MRPS28: variants seen among roughly 807,000 people sequenced by gnomAD.
MRPS28 encodes the protein small ribosomal subunit protein bS1m.
In MRPS28, 7 loss-of-function variants were observed where a neutral mutation model predicts 10.8. That is an observed-to-expected ratio of 0.65 (90% confidence interval 0.37 to 1.22). The LOEUF (loss-of-function observed/expected upper bound fraction) is 1.22, where lower values mean the gene tolerates loss of function less well. Ranked by LOEUF, MRPS28 falls within the 50% of genes most tolerant of loss-of-function variation. The pLI is 0.02. For missense variants in MRPS28, 265 were observed against 232.9 expected, an observed-to-expected ratio of 1.14 and a Z score of -0.90; for synonymous variants, 121 against 93.3, an observed-to-expected ratio of 1.30 and a Z score of -1.71.
intron 1 of MRPS28, among the ~76,000 whole-genome samples, chr8:80,014,512 A>G (rs1232761446): frequency 1.3e-5 from 2 of 152,242 alleles, no homozygotes; most frequent in Non-Finnish European, 2.9e-5. Flanking sequence ...AAGTCTGGCC[A>G]CATGGCTTGA....
intron 2 of MRPS28, among the ~76,000 whole-genome samples, chr8:79,976,177 G>A (rs757235406): frequency 1.3e-5 from 2 of 151,708 alleles, no homozygotes; most frequent in Admixed American, 6.6e-5. Context: ...TCTGCCTCCC[G>A]GGTTCAAGCA....
At chr8:79,929,226 C>A (rs1459644329) in intron 2 of MRPS28, among the ~76,000 whole-genome samples, 1 of 152,280 alleles carries the variant, frequency 6.6e-6, no homozygotes, top group East Asian at 1.9e-4. Flanking sequence ...GGTTTTAGAT[C>A]ATCACAAGCT....
intron 2 of MRPS28, among the ~76,000 whole-genome samples, chr8:79,939,002 T>C (rs1382377445): frequency 6.6e-6 from 1 of 152,206 alleles, no homozygotes; most frequent in Non-Finnish European, 1.5e-5. Context: ...GTGACAGCTT[T>C]GCTTCTAGTT....
chr8:79,991,666 A>G (rs1251373472), intron 2 of MRPS28, among the ~76,000 whole-genome samples: 1 of 152,242 alleles, frequency 6.6e-6, no homozygotes, highest in African/African-American at 2.4e-5. Context: ...TTGCTGTCAT[A>G]TATTTTGTGT....
chr8:79,943,438 C>T (rs1418567965), intron 2 of MRPS28, among the ~76,000 whole-genome samples: 6 of 152,166 alleles, frequency 3.9e-5, no homozygotes, highest in Non-Finnish European at 1.5e-5. Context: ...AGAAACAAAA[C>T]CTTACTCCTA....
intron 1 of MRPS28, among the ~76,000 whole-genome samples, chr8:80,014,480 G>C (rs1488378837): frequency 1.3e-5 from 2 of 152,088 alleles, no homozygotes; most frequent in African/African-American, 4.8e-5. Context: ...TCAAATACGA[G>C]GGCTCCCAAA....
At position 79,984,975 on chromosome 8, in the gene MRPS28, T is replaced by C. The variant is rs547954918; in HGVS notation, c.395+18024A>G. Among the ~76,000 whole-genome samples the C allele has an allele frequency of 1.5e-4, 23 of 152,248 alleles. No individual in the cohort carries two copies. In the South Asian group the frequency reaches 3.7e-3, roughly 25 times the overall value. On this transcript the variant is annotated intron_variant, in intron 2 of 2. Transcript: ENST00000276585. ...ACCCCAAATCAACAGAATATACATT[T>C]TTTTCAGCACCACACCACACCTATT...
intron 2 of MRPS28, among the ~76,000 whole-genome samples, chr8:79,961,868 G>A (rs1056726721): frequency 6.6e-6 from 1 of 152,144 alleles, no homozygotes; most frequent in Non-Finnish European, 1.5e-5. Flanking sequence ...CTTTAAGTTT[G>A]AAAATAATTT....
chr8:79,981,148 G>A lies in MRPS28; in HGVS notation c.395+21851C>T, dbSNP rs142413384. On this transcript the variant is annotated intron_variant, in intron 2 of 2. Transcript: ENST00000276585. Reference sequence around the variant, plus strand: ...GTTCAAGATGAGCCTGGGCAATGTGGTGAAACTCTGTCTCAACAAAAAAAT... The same window carrying A: ...GTTCAAGATGAGCCTGGGCAATGTGATGAAACTCTGTCTCAACAAAAAAAT... 2.0e-5 allele frequency among the ~76,000 whole-genome samples: 3 copies of A among 152,230 alleles called. No individual in the cohort carries two copies. In the East Asian group the frequency reaches 5.8e-4, roughly 29 times the overall value.
intron 1 of MRPS28, 138 bp downstream of exon 1, chr8:80,029,898 A>ATGTG (rs1809605254): frequency 1.3e-6 from 2 of 1,536,272 alleles, no homozygotes; most frequent in Non-Finnish European, 1.7e-6. Context: ...GCTGAGCCAC[A>ATGTG]ACGCACCGCA....
chr8:79,924,311 T>C (rs1031265108), intron 2 of MRPS28, among the ~76,000 whole-genome samples: 1 of 152,230 alleles, frequency 6.6e-6, no homozygotes, highest in African/African-American at 2.4e-5. Context: ...ATTTTCTCTT[T>C]TTTCAAGAGG....
At chr8:80,025,908 A>G (rs1050526421) in intron 1 of MRPS28, among the ~76,000 whole-genome samples, 9 of 152,208 alleles carry the variant, frequency 5.9e-5, no homozygotes, top group African/African-American at 1.9e-4. Flanking sequence ...CTACGAACCA[A>G]TTAATGTTTT....
At chr8:79,953,452 C>A (rs139666329) in intron 2 of MRPS28, among the ~76,000 whole-genome samples, 8 of 152,116 alleles carry the variant, frequency 5.3e-5, no homozygotes, top group African/African-American at 1.7e-4. Context: ...GGTAGCACTG[C>A]AAAACAGTAC....
chr8:80,000,508 T>TG (rs1206826226), intron 2 of MRPS28, among the ~76,000 whole-genome samples: 2 of 152,276 alleles, frequency 1.3e-5, no homozygotes, highest in East Asian at 1.9e-4. Flanking sequence ...ACTGCTTCAC[T>TG]GGGGGGAGAA....
rs551598576 is a variant in MRPS28, at chr8:80,001,954, CT to C, written c.395+1044del. Among the ~76,000 whole-genome samples the C allele has an allele frequency of 1.4e-3, 206 of 147,242 alleles. 1 individual carries two copies. Among genetic ancestry groups the C allele is most frequent in the Non-Finnish European group, 2.3e-3 (152 of 66,316 alleles). The stretch of plus-strand genomic sequence containing the variant: ...GTATTTCACATTACAGAAATTGGGG[CT>C]TTTTTTTTTAATCAACTAGTTGTTA... On this transcript the variant is annotated intron_variant, in intron 2 of 2. Coordinates refer to ENST00000276585, the MANE Select transcript of MRPS28 (RefSeq NM_014018.3).
chr8:79,919,095 G>C lies in MRPS28; in HGVS notation c.449C>G (p.Thr150Arg), dbSNP rs1277285422. Residue 150 changes from threonine (T) to arginine (R), a missense_variant, in exon 3 of 3, where the codon ACG (threonine) becomes AGG (arginine). Physicochemically the swap from Thr to Arg is moderately conservative, Grantham distance 71 (BLOSUM62 -1). Coordinates refer to ENST00000276585, the MANE Select transcript of MRPS28 (RefSeq NM_014018.3). ...TGTTGTTGCTCCCAGGAACCTAGAC[G>C]TAAGTTCAAGATCTAATAGCCGCAA... ...VRLRLLDLELTSRFLGATTDT... is the reference protein window; with the variant it reads ...VRLRLLDLELRSRFLGATTDT... The C allele has an allele frequency of 1.9e-6, 3 of 1,609,522 alleles. No homozygotes were observed. The highest frequency in any genetic ancestry group is 2.5e-6 in the Non-Finnish European group (3 of 1,178,066).
chr8:79,944,162 T>TA (rs1280996678), intron 2 of MRPS28, among the ~76,000 whole-genome samples: 1 of 152,246 alleles, frequency 6.6e-6, no homozygotes, highest in Non-Finnish European at 1.5e-5. Context: ...ATGATCTGGT[T>TA]AAAAAGTATT....
intron 2 of MRPS28, among the ~76,000 whole-genome samples, chr8:79,923,201 C>T (rs1810139688): frequency 2.0e-5 from 3 of 152,140 alleles, no homozygotes; most frequent in Admixed American, 1.3e-4. Flanking sequence ...CTAGAGATAT[C>T]CTCCATGTTA....
At chr8:80,000,609 T>A (rs764909024) in intron 2 of MRPS28, among the ~76,000 whole-genome samples, 11 of 152,224 alleles carry the variant, frequency 7.2e-5, no homozygotes, top group Non-Finnish European at 1.5e-4. Flanking sequence ...AAAATTAAGA[T>A]TTAATAAATG....
Sources: allele counts gnomAD v4.1 joint callset (sites outside exome capture counted in the v4.1 genomes callset), GRCh38; gene constraint gnomAD v4.1.1; transcripts MANE v1.5; gene names NCBI Gene and HGNC (gene_info 2026-07-23, HGNC 2026-07-21).